Variants in MIPEP observed in about 807,000 individuals in gnomAD.
MIPEP encodes the protein mitochondrial intermediate peptidase.
In MIPEP, 79 loss-of-function variants were observed where a neutral mutation model predicts 90.3. That is an observed-to-expected ratio of 0.87 (90% CI 0.73 to 1.05). MIPEP has a LOEUF of 1.05. Among genes scored for constraint, MIPEP ranks in the 50% least tolerant of loss-of-function variants. MIPEP has a pLI of 0.00. For missense variants in MIPEP, 940 were observed against 905.6 expected, an observed-to-expected ratio of 1.04 and a Z score of -0.49; for synonymous variants, 334 against 315.8, an observed-to-expected ratio of 1.06 and a Z score of -0.61.
At chr13:23,841,529 T>C (rs1255347435) in intron 10 of MIPEP, 41 bp from the exon 11 acceptor site, 1 of 1,544,792 alleles carries the variant, frequency 6.5e-7, no homozygotes, top group Non-Finnish European at 8.7e-7. Context: ...CTTTGTTTAT[T>C]TCAATTTCTG....
intron 9 of MIPEP, among the ~76,000 whole-genome samples, chr13:23,859,200 G>A (rs541572320): frequency 1.3e-5 from 2 of 152,188 alleles, no homozygotes; most frequent in East Asian, 1.9e-4. Flanking sequence ...AAACATTAAC[G>A]AATTATATTA....
intron 7 of MIPEP, among the ~76,000 whole-genome samples, chr13:23,867,209 G>A (rs187212998): frequency 1.9e-4 from 29 of 152,116 alleles, no homozygotes; most frequent in Non-Finnish European, 3.5e-4. Context: ...ACTTAATGCC[G>A]CCCCTTGTCA....
intron 2 of MIPEP, among the ~76,000 whole-genome samples, chr13:23,885,443 G>C (rs1452852312): frequency 6.6e-6 from 1 of 152,156 alleles, no homozygotes; most frequent in African/African-American, 2.4e-5. Flanking sequence ...AACCAGAAGA[G>C]TATAATTGGA....
intron 16 of MIPEP, among the ~76,000 whole-genome samples, chr13:23,795,396 G>A (rs1669622982): frequency 6.6e-6 from 1 of 152,182 alleles, no homozygotes; most frequent in South Asian, 2.1e-4. Context: ...CTGAACAAGT[G>A]TGGGATAAAA....
intron 16 of MIPEP, among the ~76,000 whole-genome samples, chr13:23,767,102 T>G (rs1042094490): frequency 6.6e-6 from 1 of 152,182 alleles, no homozygotes; most frequent in African/African-American, 2.4e-5. Flanking sequence ...CTCAGTGCTA[T>G]AACTGTAGGA....
At chr13:23,868,572 C>G (rs1173566810) in intron 7 of MIPEP, among the ~76,000 whole-genome samples, 3 of 151,862 alleles carry the variant, frequency 2.0e-5, no homozygotes, top group Admixed American at 2.0e-4. Flanking sequence ...CACCACAATG[C>G]CTCCTCCTCC....
chr13:23,854,163 A>C (rs1240015717), intron 10 of MIPEP, among the ~76,000 whole-genome samples: 1 of 146,570 alleles, frequency 6.8e-6, no homozygotes, highest in Non-Finnish European at 1.5e-5. Context: ...GTCTCTACTA[A>C]AAATACAAAA....
intron 5 of MIPEP, among the ~76,000 whole-genome samples, chr13:23,871,529 G>A (rs1305022975): frequency 6.6e-6 from 1 of 152,150 alleles, no homozygotes; most frequent in Non-Finnish European, 1.5e-5. Flanking sequence ...TTGGGCTTCA[G>A]GTGAAAGTGT....
intron 16 of MIPEP, among the ~76,000 whole-genome samples, chr13:23,803,896 T>C (rs556574889): frequency 2.9e-5 from 4 of 136,746 alleles, no homozygotes; most frequent in African/African-American, 1.0e-4. Flanking sequence ...AATGTCTTTT[T>C]TTCTCTAAAC....
rs958203066 is a variant in MIPEP at position 23,806,014 on chromosome 13, G to A, written c.1784C>T (p.Ser595Leu). ...TGTTTCCTTGAGAATGTCTGTGGTT[G>A]AATTCCTCAGGGGATGCTTCCCATG... ...IYHGKHPLRNSTTDILKETQE... is the reference protein window; with the variant it reads ...IYHGKHPLRNLTTDILKETQE... Residue 595 changes from serine (S) to leucine (L), a missense_variant, in exon 16 of 19, where the codon TCA becomes TTA. Coordinates refer to ENST00000382172, the MANE Select transcript of MIPEP (RefSeq NM_005932.4). The A allele has an allele frequency of 3.1e-6, 5 of 1,613,776 alleles. No individual in the cohort carries two copies. In the South Asian group the frequency reaches 4.4e-5, roughly 14 times the overall value.
At chr13:23,748,923 C>G (rs1354120797) in intron 18 of MIPEP, among the ~76,000 whole-genome samples, 1 of 152,266 alleles carries the variant, frequency 6.6e-6, no homozygotes, top group African/African-American at 2.4e-5. Context: ...AAATAAAAAG[C>G]AAAGACACCT....
intron 5 of MIPEP, among the ~76,000 whole-genome samples, chr13:23,873,628 T>C (rs189906910): frequency 6.7e-4 from 102 of 152,264 alleles, no homozygotes; most frequent in Middle Eastern, 3.4e-3. Flanking sequence ...GCCCGGGTGT[T>C]TGGTGATAAG....
At chr13:23,881,470 C>G (rs4067952) in intron 3 of MIPEP, among the ~76,000 whole-genome samples, 11 of 152,320 alleles carry the variant, frequency 7.2e-5, no homozygotes, top group East Asian at 1.9e-4. Flanking sequence ...CATTTACAGA[C>G]AAGGAAATGA....
At chr13:23,732,976 G>C (rs1275337280) in intron 18 of MIPEP, among the ~76,000 whole-genome samples, 2 of 152,166 alleles carry the variant, frequency 1.3e-5, no homozygotes, top group Non-Finnish European at 2.9e-5. Flanking sequence ...ACGAATCTAG[G>C]TGTAAAATGT....
intron 16 of MIPEP, among the ~76,000 whole-genome samples, chr13:23,769,989 G>A (rs942757038): frequency 2.0e-5 from 3 of 152,070 alleles, no homozygotes; most frequent in Admixed American, 6.5e-5. Flanking sequence ...ACTCTGCGGC[G>A]TCCCCACCAG....
intron 14 of MIPEP, among the ~76,000 whole-genome samples, chr13:23,823,226 T>A (rs895882237): frequency 6.6e-6 from 1 of 152,176 alleles, no homozygotes; most frequent in Non-Finnish European, 1.5e-5. Flanking sequence ...GAGTTAGGCA[T>A]CCTGCTGTTG....
intron 14 of MIPEP, among the ~76,000 whole-genome samples, chr13:23,824,629 G>A (rs999160242): frequency 1.5e-4 from 23 of 152,148 alleles, no homozygotes; most frequent in African/African-American, 5.3e-4. Context: ...ATTTCCTCAC[G>A]TGTCTATAAT....
At chr13:23,769,376 A>G (rs1208064980) in intron 16 of MIPEP, among the ~76,000 whole-genome samples, 2 of 152,192 alleles carry the variant, frequency 1.3e-5, no homozygotes, top group Non-Finnish European at 2.9e-5. Flanking sequence ...GTGTGTCTGC[A>G]TAGGATCAGG....
rs887938037 is a variant in MIPEP at position 23,805,890 on chromosome 13, C to T, written c.1848+60G>A. ...CTCCAAAGGGGAAGATAATCACAAG[C>T]TACAGAAGTAATAGCAGAACCACTC... On this transcript the variant is annotated intron_variant, in intron 16 of 18. Coordinates refer to ENST00000382172, the MANE Select transcript of MIPEP (RefSeq NM_005932.4). 3.2e-6 allele frequency: 5 copies of T among 1,571,808 alleles called. No homozygotes were observed. The African/African-American group carries it at 6.8e-5, about 21-fold the overall frequency.
Sources: gnomAD v4.1 joint callset for allele counts (sites outside exome capture counted in the v4.1 genomes callset) on GRCh38, gnomAD v4.1.1 for gene constraint, MANE v1.5 for transcripts, NCBI Gene and HGNC (gene_info 2026-07-23, HGNC 2026-07-21) for gene names.